The following VXN variants were observed in gnomAD, a reference collection of about 807,000 sequenced individuals.
VXN encodes vexin.
In VXN, 7 loss-of-function variants were observed where a neutral mutation model predicts 23.1. That is an observed-to-expected ratio of 0.30 (90% CI 0.17 to 0.57). The LOEUF (loss-of-function observed/expected upper bound fraction) is 0.57. Ranked by LOEUF, VXN falls within the 20% of genes least tolerant of loss-of-function variation. VXN has a pLI of 0.91. For synonymous variants in VXN, 120 were observed against 105.8 expected, an observed-to-expected ratio of 1.13 and a Z score of -0.83; for missense variants, 238 against 272.6, an observed-to-expected ratio of 0.87 and a Z score of 0.89.
chr8:66,513,392 C>T (rs1442242375), intron 4 of VXN, 148 bp from the exon 5 acceptor site: 6 of 732,122 alleles, frequency 8.2e-6, no homozygotes, highest in South Asian at 1.5e-5. Flanking sequence ...TCAAGCCCTC[C>T]AGGGCAGTCC....
At chr8:66,513,345 C>T (rs374497443) in intron 4 of VXN, among the ~76,000 whole-genome samples, 195 bp from the exon 5 acceptor site, 7 of 152,198 alleles carry the variant, frequency 4.6e-5, no homozygotes, top group South Asian at 2.1e-4. Flanking sequence ...AGCAGACCCA[C>T]GGACTCAGAA....
intron 4 of VXN, 84 bp from the exon 5 acceptor site, chr8:66,513,456 C>G (rs112303947): frequency 9.1e-6 from 10 of 1,103,618 alleles, no homozygotes; most frequent in South Asian, 6.2e-5. Flanking sequence ...TCCATTCAGT[C>G]CCCCCACTTG....
Position 66,498,342 on chromosome 8 carries a change from A to T in VXN, c.126+1850A>T, listed in dbSNP as rs375886645. Among the ~76,000 whole-genome samples, 33 of 152,260 alleles carry T rather than the reference A, an allele frequency of 2.2e-4. No homozygotes were observed. In the East Asian group the frequency reaches 2.9e-3, roughly 13 times the overall value. ...AGTGAGACCCTGCCTCAAATAAAAA[A>T]AATAATAATAATGTCCTTTGAATGA... On this transcript the variant is annotated intron_variant, in intron 2 of 5. Coordinates refer to ENST00000305454, the MANE Select transcript of VXN (RefSeq NM_152765.4).
chr8:66,510,205 C>G, intron 4 of VXN, 48 bp downstream of exon 4: 1 of 1,425,096 alleles, frequency 7.0e-7, no homozygotes, highest in East Asian at 2.3e-5. Context: ...CATTAAACTT[C>G]TGGTCATGTC....
At chr8:66,496,525 T>C in intron 2 of VXN, 33 bp downstream of exon 2, 2 of 1,600,444 alleles carry the variant, frequency 1.2e-6, no homozygotes, top group Non-Finnish European at 1.7e-6. Flanking sequence ...GTTCTTTGGT[T>C]GACTTTCATT....
intron 5 of VXN, among the ~76,000 whole-genome samples, chr8:66,515,254 G>C (rs191490279): frequency 4.1e-4 from 62 of 152,282 alleles, no homozygotes; most frequent in African/African-American, 1.4e-3. Flanking sequence ...CTCAGTCATT[G>C]TCATTTCAAT....
intron 2 of VXN, among the ~76,000 whole-genome samples, chr8:66,500,959 C>T (rs974469004): frequency 3.4e-4 from 51 of 150,990 alleles, no homozygotes; most frequent in African/African-American, 1.1e-3. Context: ...CTGCAACCTC[C>T]GCCTCCTAGG....
chr8:66,501,458 A>G lies in VXN; in HGVS notation c.127-3917A>G, dbSNP rs370341024. The G allele has an allele frequency of 5.9e-5, 9 of 152,288 alleles. No homozygotes were observed. In the East Asian group the frequency reaches 1.7e-3, roughly 29 times the overall value. The allele number at this position is 152,288 out of a possible 1,614,324, so 9.4% of individuals were successfully genotyped here. A position where few individuals can be genotyped will look rare whatever the true frequency, so the allele number is the denominator to read the frequency against. On this transcript the variant is annotated intron_variant, in intron 2 of 5. Coordinates refer to ENST00000305454, the MANE Select transcript of VXN (RefSeq NM_152765.4). ...AAAGTCTAGAAGGAAAATGCTCCCA[A>G]CTTTCAAGGAGCAATGGGTGAGGTG...
rs202011743 is a variant in VXN, at chr8:66,493,738, A to G, written c.70+20A>G. 3.1e-6 allele frequency: 5 copies of G among 1,606,162 alleles called. No individual in the cohort carries two copies. Among genetic ancestry groups the G allele is most frequent in the Admixed American group, 3.3e-5 (2 of 59,910 alleles). On this transcript the variant is annotated intron_variant, in intron 1 of 5. Coordinates refer to ENST00000305454, the MANE Select transcript of VXN (RefSeq NM_152765.4). ...CCAAGGGTGAGTGAAATTGCCCTTG[A>G]CTGTTTCCTTAACGTGGCATCTTAG...
chr8:66,503,050 G>A (rs916688248), intron 2 of VXN, among the ~76,000 whole-genome samples: 4 of 152,084 alleles, frequency 2.6e-5, no homozygotes, highest in Non-Finnish European at 5.9e-5. Flanking sequence ...GTTTTGCCAT[G>A]TTGCCCAGGC....
chr8:66,502,873 G>T (rs1210392546), intron 2 of VXN, among the ~76,000 whole-genome samples: 1 of 150,222 alleles, frequency 6.7e-6, no homozygotes, highest in Non-Finnish European at 1.5e-5. Flanking sequence ...TTAAGATGGG[G>T]TCTCACTCTG....
intron 1 of VXN, chr8:66,494,631 A>G (rs546008495): frequency 6.6e-6 from 1 of 152,346 alleles, no homozygotes; most frequent in South Asian, 2.1e-4. Context: ...TTTGGCCACA[A>G]AGAGACAGCC....
intron 5 of VXN, among the ~76,000 whole-genome samples, chr8:66,515,382 C>T (rs1319674086): frequency 6.6e-6 from 1 of 152,206 alleles, no homozygotes; most frequent in Non-Finnish European, 1.5e-5. Flanking sequence ...AGATGCTTCA[C>T]TCTTTCATTT....
intron 2 of VXN, among the ~76,000 whole-genome samples, chr8:66,500,929 C>T (rs1215220059): frequency 1.4e-5 from 2 of 147,526 alleles, no homozygotes; most frequent in African/African-American, 2.5e-5. Flanking sequence ...GCTGGAGTGC[C>T]ATGGCGTGAT....
intron 1 of VXN, chr8:66,494,751 T>C (rs917632827): frequency 6.6e-6 from 1 of 152,164 alleles, no homozygotes; most frequent in Non-Finnish European, 1.5e-5. Context: ...CTGGAAACTC[T>C]GAAAGTCCAA....
intron 2 of VXN, 168 bp from the exon 3 acceptor site, chr8:66,505,207 C>G (rs979365209): frequency 3.2e-6 from 3 of 924,430 alleles, no homozygotes; most frequent in Middle Eastern, 2.1e-4. Flanking sequence ...CACTTCTGGC[C>G]GGTTTCCTGC....
At chr8:66,509,018 T>C (rs1289702994) in intron 3 of VXN, among the ~76,000 whole-genome samples, 2 of 152,122 alleles carry the variant, frequency 1.3e-5, no homozygotes, top group Non-Finnish European at 2.9e-5. Flanking sequence ...AGAAAGATTG[T>C]GGTGAGGATT....
At chr8:66,494,485 C>T (rs1018093308) in intron 1 of VXN, 2 of 152,424 alleles carry the variant, frequency 1.3e-5, no homozygotes, top group African/African-American at 4.8e-5. Context: ...GGCTTAGCCC[C>T]TGGTCTCATT....
chr8:66,516,002 C>T lies in VXN; in HGVS notation c.550C>T (p.Arg184Trp), dbSNP rs139723976. 1.3e-5 allele frequency: 21 copies of T among 1,613,726 alleles called. No individual in the cohort carries two copies. Among genetic ancestry groups the T allele is most frequent in the Non-Finnish European group, 1.7e-5 (20 of 1,179,990 alleles). The change falls in exon 6 of 6, where the codon CGG becomes TGG. Residue 184 changes from arginine (R) to tryptophan (W), a missense_variant. Around this residue, in one of 2 missense-constraint regions of VXN, gnomAD observed 223 missense variants for 236.9 expected, o/e 0.94. Coordinates refer to ENST00000305454, the MANE Select transcript of VXN (RefSeq NM_152765.4). ...TTCCTGCGGCGTCCCCGGCATCCTC[C>T]GGAAAATGTGGACAAGGCACAAGAA... ...SASCGVPGIL[R>W]KMWTRHKKKS...
Sources: allele counts gnomAD v4.1 joint callset (sites outside exome capture counted in the v4.1 genomes callset), GRCh38; gene constraint gnomAD v4.1.1; regional missense constraint gnomAD v4.1.1; transcripts MANE v1.5; gene names NCBI Gene and HGNC (gene_info 2026-07-23, HGNC 2026-07-21).